The following CDC42 variants were observed in gnomAD, a reference collection of about 807,000 sequenced individuals.
CDC42 encodes the protein cell division cycle 42.
A neutral mutation model predicts 20.8 loss-of-function variants in CDC42; 1 was observed. The observed-to-expected ratio is 0.05, with a 90% CI of 0.02 to 0.23. The LOEUF (loss-of-function observed/expected upper bound fraction) is 0.23, where lower values mean the gene tolerates loss of function less well. CDC42 is among the 10% of genes least tolerant of loss of function. The pLI is 1.00. For synonymous variants in CDC42, 72 were observed against 84.8 expected (o/e 0.85, Z 0.83); for missense variants, 49 against 227.9 (o/e 0.21, Z 5.05).
At chr1:22,059,049 C>G (rs188778785) in intron 1 of CDC42, 2 of 150,378 alleles carry the variant, frequency 1.3e-5, no homozygotes, top group Admixed American at 1.3e-4. Flanking sequence ...TGTTCTTGAA[C>G]TCCTGGCCTC....
Position 22,095,783 on chromosome 1 carries a change from T to A in CDC42, c.*4266T>A, listed in dbSNP as rs1409309479. On this transcript the variant is annotated 3_prime_UTR_variant, in exon 6 of 6. Coordinates refer to ENST00000656825, the MANE Select transcript of CDC42 (RefSeq NM_001791.4). ...CTCAGGTGGGCTTTGTGTTTGTCAT[T>A]CTGGAGCCTAGTTCCAGAGAGCAGT... 1.3e-5 allele frequency among the ~76,000 whole-genome samples: 2 copies of A among 152,164 alleles called. No individual in the cohort carries two copies. Among genetic ancestry groups the A allele is most frequent in the Non-Finnish European group, 2.9e-5 (2 of 68,032 alleles).
intron 1 of CDC42, among the ~76,000 whole-genome samples, chr1:22,063,746 G>A (rs1458053089): frequency 6.6e-6 from 1 of 151,950 alleles, no homozygotes; most frequent in Admixed American, 6.6e-5. Flanking sequence ...TTGAGACAGA[G>A]TCTTGCTCTT....
chr1:22,075,117 T>C (rs1315462345), intron 1 of CDC42, among the ~76,000 whole-genome samples: 1 of 152,202 alleles, frequency 6.6e-6, no homozygotes, highest in Non-Finnish European at 1.5e-5. Flanking sequence ...AATTTAAGTT[T>C]AGTGATGTGA....
Position 22,096,121 on chromosome 1 carries a change from G to A in CDC42, c.*4604G>A, listed in dbSNP as rs576053272. 6.6e-6 allele frequency among the ~76,000 whole-genome samples: 1 copy of A among 151,916 alleles called. No homozygotes were observed. Among genetic ancestry groups the A allele is most frequent in the African/African-American group, 2.4e-5 (1 of 41,410 alleles). On this transcript the variant is annotated 3_prime_UTR_variant, in exon 6 of 6. Coordinates refer to ENST00000656825, the MANE Select transcript of CDC42 (RefSeq NM_001791.4). ...ATTACAGGTGTCTGCCACTGCGCCC[G>A]GCTAATTTTTTGTATTTTTAAGGGA...
At chr1:22,057,660 A>G (rs901289601) in intron 1 of CDC42, among the ~76,000 whole-genome samples, 1 of 151,438 alleles carries the variant, frequency 6.6e-6, no homozygotes, top group Non-Finnish European at 1.5e-5. Context: ...CTGGGATTAC[A>G]GGCATAAGCC....
intron 3 of CDC42, among the ~76,000 whole-genome samples, chr1:22,084,335 GTTT>G (rs61584354): frequency 0.021 from 1,666 of 80,664 alleles, 21 homozygotes; most frequent in African/African-American, 0.077. Flanking sequence ...CTTATTTCCT[GTTT>G]TTTTTTTTTT....
At chr1:22,082,552 A>T (rs1335371982) in intron 3 of CDC42, among the ~76,000 whole-genome samples, 7 of 152,324 alleles carry the variant, frequency 4.6e-5, no homozygotes, top group Non-Finnish European at 4.4e-5. Flanking sequence ...TAGCCAGAGG[A>T]AAATCTCAGA....
At chr1:22,082,237 A>AGCCATT (rs773379767) in intron 3 of CDC42, among the ~76,000 whole-genome samples, 105 of 151,430 alleles carry the variant, frequency 6.9e-4, no homozygotes, top group Admixed American at 2.6e-3. Context: ...TAAGGTCATA[A>AGCCATT]GCCATTTACA....
chr1:22,070,083 CAGCCTCT>C (rs1409320328), intron 1 of CDC42, among the ~76,000 whole-genome samples: 1 of 152,146 alleles, frequency 6.6e-6, no homozygotes, highest in Non-Finnish European at 1.5e-5. Flanking sequence ...CCACTGTGCC[CAGCCTCT>C]GGGTAGGATT....
At chr1:22,084,106 G>C (rs1420956788) in intron 3 of CDC42, among the ~76,000 whole-genome samples, 1 of 152,118 alleles carries the variant, frequency 6.6e-6, no homozygotes, top group Non-Finnish European at 1.5e-5. Flanking sequence ...CCACGTTTTA[G>C]CTATTTTGAA....
chr1:22,062,442 A>T (rs1645376418), intron 1 of CDC42, among the ~76,000 whole-genome samples: 1 of 152,198 alleles, frequency 6.6e-6, no homozygotes, highest in Non-Finnish European at 1.5e-5. Flanking sequence ...GACTTATTTT[A>T]TGCTGCAAAT....
In CDC42 at chr1:22,096,580, A is replaced by G. The variant is rs1451073200; in HGVS notation, c.*5063A>G. Among the ~76,000 whole-genome samples the G allele has an allele frequency of 1.3e-5, 2 of 152,210 alleles. No homozygotes were observed. The highest frequency in any genetic ancestry group is 6.5e-5 in the Admixed American group (1 of 15,284). On this transcript the variant is annotated 3_prime_UTR_variant, in exon 6 of 6. Transcript: ENST00000656825. The stretch of plus-strand genomic sequence containing the variant: ...GGAGAATGACAGTCTCAAGCAGTGC[A>G]GAGATGTAAGCAGGCAGAGGTAAGG...
chr1:22,055,340 AGACCAGAAAGG>A (rs2152825423), intron 1 of CDC42, among the ~76,000 whole-genome samples: 1 of 149,384 alleles, frequency 6.7e-6, no homozygotes, highest in South Asian at 2.1e-4. Context: ...AATTTCTTCA[AGACCAGAAAGG>A]TATCACATCC....
Position 22,094,117 on chromosome 1 carries a change from T to C in CDC42, c.*2600T>C, listed in dbSNP as rs1050934272. 6.6e-6 allele frequency among the ~76,000 whole-genome samples: 1 copy of C among 152,066 alleles called. No homozygotes were observed. The highest frequency in any genetic ancestry group is 1.5e-5 in the Non-Finnish European group (1 of 68,002). On this transcript the variant is annotated 3_prime_UTR_variant, in exon 6 of 6. Coordinates refer to ENST00000656825, the MANE Select transcript of CDC42 (RefSeq NM_001791.4). ...TTTCTATTTGACGTAACAAACTTGCTTATAGTCGTGGCTTAGAAGGTGAGT... is the reference window on the plus strand; with the variant it reads ...TTTCTATTTGACGTAACAAACTTGCCTATAGTCGTGGCTTAGAAGGTGAGT...
chr1:22,068,150 A>G (rs1056300620), intron 1 of CDC42, among the ~76,000 whole-genome samples: 2 of 152,230 alleles, frequency 1.3e-5, no homozygotes, highest in South Asian at 2.1e-4. Context: ...ACTCAGTACC[A>G]TTTAGCAGAG....
chr1:22,060,933 A>G (rs1158360776), intron 1 of CDC42, among the ~76,000 whole-genome samples: 3 of 152,120 alleles, frequency 2.0e-5, no homozygotes, highest in Non-Finnish European at 4.4e-5. Context: ...TTATTTTGCT[A>G]TTTTATTCGT....
chr1:22,073,127 A>G (rs1477935344), intron 1 of CDC42, among the ~76,000 whole-genome samples: 2 of 152,162 alleles, frequency 1.3e-5, no homozygotes, highest in Non-Finnish European at 2.9e-5. Flanking sequence ...AGCCAATCAT[A>G]ATGATACCAT....
At position 22,058,088 on chromosome 1, in the gene CDC42, C is replaced by T. The variant is rs182593003; in HGVS notation, c.-51+5346C>T. ...TCATAGAAGCAAGGGTGTCAGGCCT[C>T]AGGTATGCAGTATAGTCTGTGGACC... On this transcript the variant is annotated intron_variant, in intron 1 of 5. Transcript: ENST00000656825. Among the ~76,000 whole-genome samples, 534 of 152,294 alleles carry T rather than the reference C, an allele frequency of 3.5e-3. 6 individuals carry two copies. Among genetic ancestry groups the T allele is most frequent in the South Asian group, 0.013 (62 of 4,826 alleles).
intron 1 of CDC42, chr1:22,053,326 C>T (rs1276583727): frequency 1.3e-5 from 2 of 151,768 alleles, no homozygotes; most frequent in East Asian, 1.9e-4. Flanking sequence ...GAGGGCAGCT[C>T]GCTGGCTGCT....
Sources: allele counts gnomAD v4.1 joint callset (sites outside exome capture counted in the v4.1 genomes callset), GRCh38; gene constraint gnomAD v4.1.1; transcripts MANE v1.5; gene names NCBI Gene and HGNC (gene_info 2026-07-23, HGNC 2026-07-21).